Variants in COL19A1 observed in about 807,000 individuals in gnomAD.
The protein encoded by COL19A1 is collagen type XIX alpha 1 chain, also known as collagen alpha-1(XIX) chain.
Under a neutral mutation model 190.2 loss-of-function variants are expected in COL19A1, and 159 were observed. The observed-to-expected ratio is 0.84, with a 90% CI of 0.73 to 0.95. The LOEUF (loss-of-function observed/expected upper bound fraction) is 0.95, where lower values mean the gene tolerates loss of function less well. COL19A1 is among the 40% of genes least tolerant of loss of function. The pLI is 0.00. For synonymous variants in COL19A1, 509 were observed against 458.9 expected (o/e 1.11, Z -1.39); for missense variants, 1,418 against 1,431.9 (o/e 0.99, Z 0.16).
chr6:70,112,188 G>A (rs1784321021), intron 16 of COL19A1, among the ~76,000 whole-genome samples: 2 of 152,162 alleles, frequency 1.3e-5, no homozygotes, highest in Admixed American at 6.5e-5. Flanking sequence ...CAAGGGGATG[G>A]AGGCACAGTT....
At chr6:69,962,896 T>G in intron 11 of COL19A1, 26 bp downstream of exon 11, 1 of 1,566,702 alleles carries the variant, frequency 6.4e-7, no homozygotes, top group Non-Finnish European at 8.7e-7. Flanking sequence ...TACATTCACA[T>G]CTGTAAAAAG....
chr6:70,094,186 T>C (rs935969536), intron 15 of COL19A1, among the ~76,000 whole-genome samples: 11 of 152,214 alleles, frequency 7.2e-5, no homozygotes, highest in Non-Finnish European at 2.9e-5. Context: ...ACACATATCA[T>C]TGAGTTCAAA....
chr6:70,188,111 G>A lies in COL19A1; in HGVS notation c.2893G>A (p.Gly965Ser). 1 of 1,613,652 alleles carries A rather than the reference G, an allele frequency of 6.2e-7. No homozygotes were observed. The highest frequency in any genetic ancestry group is 8.5e-7 in the Non-Finnish European group (1 of 1,179,784). The change falls in exon 47 of 51, where the codon GGT becomes AGT. Residue 965 changes from glycine (G) to serine (S), a missense_variant. Coordinates refer to ENST00000620364, the MANE Select transcript of COL19A1 (RefSeq NM_001858.6). ...QGIPGDRGSQ[G>S]ERGKPGLTGM... ...GATTCCAGGAGACAGAGGCTCACAAGGTGAACGGGGAAAACCAGGCCTTAC... is the reference window on the plus strand; with the variant it reads ...GATTCCAGGAGACAGAGGCTCACAAAGTGAACGGGGAAAACCAGGCCTTAC...
At chr6:69,960,194 A>T (rs1027189638) in intron 10 of COL19A1, among the ~76,000 whole-genome samples, 154 bp downstream of exon 10, 1 of 152,212 alleles carries the variant, frequency 6.6e-6, no homozygotes, top group Admixed American at 6.5e-5. Flanking sequence ...AACTTGTGGA[A>T]GCAATCCCCT....
At chr6:69,892,633 C>A (rs1290636953) in intron 2 of COL19A1, among the ~76,000 whole-genome samples, 1 of 152,156 alleles carries the variant, frequency 6.6e-6, no homozygotes, top group Non-Finnish European at 1.5e-5. Flanking sequence ...ATGGGTTTAT[C>A]CTCAAATACC....
chr6:70,148,478 A>G (rs1318346503), intron 27 of COL19A1, among the ~76,000 whole-genome samples: 1 of 152,230 alleles, frequency 6.6e-6, no homozygotes, highest in Non-Finnish European at 1.5e-5. Flanking sequence ...TTTTATCACA[A>G]TATCACATCC....
At chr6:69,929,832 G>T (rs1772638574) in intron 6 of COL19A1, 132 bp downstream of exon 6, 1 of 819,250 alleles carries the variant, frequency 1.2e-6, no homozygotes, top group Admixed American at 3.4e-5. Flanking sequence ...TAATTAATTT[G>T]CCGTCAGATG....
chr6:69,945,113 G>C (rs1338436421), intron 9 of COL19A1, among the ~76,000 whole-genome samples: 2 of 151,834 alleles, frequency 1.3e-5, no homozygotes, highest in African/African-American at 2.4e-5. Context: ...TAATGTTCTT[G>C]AACCTGAGGG....
chr6:70,000,335 A>T (rs530372917), intron 11 of COL19A1, among the ~76,000 whole-genome samples: 7 of 152,292 alleles, frequency 4.6e-5, no homozygotes, highest in African/African-American at 1.7e-4. Flanking sequence ...ACATACGTGT[A>T]CATGTGTCTT....
At chr6:69,994,926 C>A (rs1776815918) in intron 11 of COL19A1, among the ~76,000 whole-genome samples, 1 of 152,156 alleles carries the variant, frequency 6.6e-6, no homozygotes, top group South Asian at 2.1e-4. Flanking sequence ...CCTCAGACAT[C>A]ACCTTAGGCC....
At chr6:70,203,609 C>T (rs1266900739) in intron 49 of COL19A1, among the ~76,000 whole-genome samples, 1 of 151,898 alleles carries the variant, frequency 6.6e-6, no homozygotes, top group Non-Finnish European at 1.5e-5. Flanking sequence ...CCTAAAATGC[C>T]AATAGCATCC....
intron 14 of COL19A1, among the ~76,000 whole-genome samples, chr6:70,058,228 C>G (rs756324569): frequency 6.6e-6 from 1 of 152,016 alleles, no homozygotes; most frequent in Non-Finnish European, 1.5e-5. Flanking sequence ...CCTGCAACCA[C>G]ATGGAACGAT....
At chr6:70,071,436 A>G (rs1259570628) in intron 15 of COL19A1, among the ~76,000 whole-genome samples, 1 of 152,132 alleles carries the variant, frequency 6.6e-6, no homozygotes, top group Non-Finnish European at 1.5e-5. Flanking sequence ...TAAAATGTAG[A>G]AGTAATGTGC....
chr6:69,981,895 A>G (rs962840637), intron 11 of COL19A1, among the ~76,000 whole-genome samples: 1 of 152,134 alleles, frequency 6.6e-6, no homozygotes, highest in Non-Finnish European at 1.5e-5. Context: ...AATTACAAAT[A>G]TATTTTAGGT....
At position 69,900,271 on chromosome 6, in the gene COL19A1, C is replaced by T. The variant is rs765152060; in HGVS notation, c.199C>T (p.Arg67Cys). 13 of 1,595,526 alleles carry T rather than the reference C, an allele frequency of 8.1e-6. No individual in the cohort carries two copies. The highest frequency in any genetic ancestry group is 8.1e-5 in the African/African-American group (6 of 74,468). ...FDLGDSFSLR[R>C]AFCESDKTCF... Reference sequence around the variant, plus strand: ...TCTAGGAGACAGCTTTTCTCTAAGACGTGCATTTTGTGAAAGTGATAAAAC... The same window carrying T: ...TCTAGGAGACAGCTTTTCTCTAAGATGTGCATTTTGTGAAAGTGATAAAAC... Residue 67 changes from arginine (R) to cysteine (C), a missense_variant, in exon 4 of 51, where the codon CGT (arginine) becomes TGT (cysteine). Transcript: ENST00000620364.
intron 11 of COL19A1, among the ~76,000 whole-genome samples, chr6:69,983,482 C>T (rs1316291513): frequency 6.6e-6 from 1 of 152,016 alleles, no homozygotes; most frequent in East Asian, 1.9e-4. Flanking sequence ...CCATATTTTA[C>T]TGACTAGGAC....
At chr6:70,203,002 T>C (rs1229749261) in intron 49 of COL19A1, among the ~76,000 whole-genome samples, 2 of 152,180 alleles carry the variant, frequency 1.3e-5, no homozygotes, top group African/African-American at 4.8e-5. Context: ...CAGGGCCTCA[T>C]GGCTGGTTCT....
At chr6:70,106,175 C>A (rs1468356475) in intron 16 of COL19A1, among the ~76,000 whole-genome samples, 1 of 152,092 alleles carries the variant, frequency 6.6e-6, no homozygotes, top group Non-Finnish European at 1.5e-5. Context: ...CCCCAATGGC[C>A]TGAAGCAATT....
chr6:70,004,149 A>G (rs542542738), intron 11 of COL19A1, among the ~76,000 whole-genome samples: 4 of 152,288 alleles, frequency 2.6e-5, no homozygotes, highest in South Asian at 4.1e-4. Context: ...TTGGCTGGAT[A>G]TGAAATTCTA....
Sources: allele counts gnomAD v4.1 joint callset (sites outside exome capture counted in the v4.1 genomes callset), GRCh38; gene constraint gnomAD v4.1.1; transcripts MANE v1.5; gene names NCBI Gene and HGNC (gene_info 2026-07-23, HGNC 2026-07-21).